SOX13: variants seen among roughly 807,000 people sequenced by gnomAD.
SOX13 encodes the protein transcription factor SOX-13.
SOX13 carries 28 observed loss-of-function variants against 71.8 expected under a neutral mutation model. The ratio of observed to expected loss-of-function variants is 0.39; its 90% CI spans 0.29 to 0.53. The LOEUF (loss-of-function observed/expected upper bound fraction) is 0.53, where lower values mean the gene tolerates loss of function less well. SOX13 is among the 20% of genes least tolerant of loss of function. The pLI, the probability that SOX13 is intolerant of heterozygous loss-of-function variation, is 0.70. For synonymous variants in SOX13, 309 were observed against 317.8 expected, an observed-to-expected ratio of 0.97 and a Z score of 0.29; for missense variants, 627 against 810.3, an observed-to-expected ratio of 0.77 and a Z score of 2.75.
intron 1 of SOX13, among the ~76,000 whole-genome samples, chr1:204,099,714 G>A (rs1656323562): frequency 1.3e-5 from 2 of 151,984 alleles, no homozygotes; most frequent in Admixed American, 6.6e-5. Flanking sequence ...CGCCCAGTCG[G>A]CATCTCAGGT....
chr1:204,122,922 A>T lies in SOX13; in HGVS notation c.1093A>T (p.Ser365Cys). 1 of 1,591,526 alleles carries T rather than the reference A, an allele frequency of 6.3e-7. No individual in the cohort carries two copies. Among genetic ancestry groups the T allele is most frequent in the East Asian group, 2.3e-5 (1 of 43,438 alleles). The change falls in exon 10 of 14, where the codon AGT becomes TGT. Residue 365 changes from serine to cysteine, a missense_variant. By Grantham distance (112) the Ser-to-Cys change is moderately radical. Around this residue, in one of 3 missense-constraint regions of SOX13, gnomAD observed 447 missense variants for 532.2 expected, o/e 0.84. Coordinates refer to ENST00000367204, the MANE Select transcript of SOX13 (RefSeq NM_005686.3). ...QDARQLLHSHSGALDGSPNTP... is the reference protein window; with the variant it reads ...QDARQLLHSHCGALDGSPNTP... ...TGCTCGGCAGCTGCTGCACAGCCAC[A>T]GTGGGGCCTTGGATGGCTCCCCCAA... is the stretch of plus-strand genomic sequence containing the variant.
Position 204,126,729 on chromosome 1 carries a change from C to G in SOX13, c.*595C>G, listed in dbSNP as rs1211388365. 6.5e-6 allele frequency: 1 copy of G among 153,848 alleles called. No homozygotes were observed. Among genetic ancestry groups the G allele is most frequent in the East Asian group, 1.9e-4 (1 of 5,196 alleles). 9.5% of individuals were successfully genotyped at this position (153,848 alleles called of 1,614,324 possible). ...CAAGATATTTATTGAGTGCCCACTA[C>G]GTGCCAGGCACTGTTGCTGAGTTCC... On this transcript the variant is annotated 3_prime_UTR_variant, in exon 14 of 14. Coordinates refer to ENST00000367204, the MANE Select transcript of SOX13 (RefSeq NM_005686.3).
At position 204,122,277 on chromosome 1, in the gene SOX13, C is replaced by G. The variant is rs749756423; in HGVS notation, c.902C>G (p.Ala301Gly). 90 of 1,588,708 alleles carry G rather than the reference C, an allele frequency of 5.7e-5. No homozygotes were observed. The highest frequency in any genetic ancestry group is 7.3e-5 in the Non-Finnish European group (85 of 1,168,042). Residue 301 changes from alanine (A) to glycine (G), a missense_variant, in exon 9 of 14, where the codon GCC (alanine) becomes GGC (glycine). Transcript: ENST00000367204. ...CTGAACCTCACAGCCAAGCCCAAGG[C>G]CCCCGAGCTGCCCAACACCTCCAGC... ...QPLNLTAKPK[A>G]PELPNTSSSP...
At position 204,114,581 on chromosome 1, in the gene SOX13, T is replaced by A. The variant is rs1445892682; in HGVS notation, c.394T>A (p.Ser132Thr). The change falls in exon 4 of 14, where the codon TCT becomes ACT. Residue 132 changes from serine to threonine, a missense_variant. This residue lies in a region of SOX13 where 447 missense variants were observed against 532.2 expected (regional missense o/e 0.84). Coordinates refer to ENST00000367204, the MANE Select transcript of SOX13 (RefSeq NM_005686.3). ...DWKERFLGRN[S>T]MEAKDVKGTQ... ...GAAGGAGAGGTTTCTAGGAAGGAACTCTATGGAAGCCAAAGATGTCAAAGG... is the reference window on the plus strand; with the variant it reads ...GAAGGAGAGGTTTCTAGGAAGGAACACTATGGAAGCCAAAGATGTCAAAGG... The A allele has an allele frequency of 6.2e-7, 1 of 1,613,582 alleles. No individual in the cohort carries two copies. The highest frequency in any genetic ancestry group is 1.7e-5 in the Admixed American group (1 of 60,022).
intron 1 of SOX13, among the ~76,000 whole-genome samples, chr1:204,085,791 G>A (rs1460769992): frequency 3.3e-5 from 5 of 151,768 alleles, no homozygotes; most frequent in Admixed American, 6.6e-5. Context: ...TGGCTAACAC[G>A]GTGAAACCCC....
chr1:204,083,526 T>C (rs1445233043), intron 1 of SOX13, among the ~76,000 whole-genome samples: 1 of 152,240 alleles, frequency 6.6e-6, no homozygotes, highest in Non-Finnish European at 1.5e-5. Context: ...CCTTGATCTC[T>C]AAGGAGATAG....
At position 204,116,508 on chromosome 1, in the gene SOX13, G is replaced by C. The variant is rs755787765; in HGVS notation, c.420G>C (p.Gly140=). The part of the protein sequence containing the change: ...RNSMEAKDVK[G]TQESLAEKEL... ...GGGGTCTGTTTCACTGTGGAGCAGG[G>C]ACCCAAGAGAGCCTAGCAGAGAAGG... Residue 140 remains glycine (G), a splice_region_variant and synonymous_variant, in exon 5 of 14, where the codon GGG becomes GGC. Coordinates refer to ENST00000367204, the MANE Select transcript of SOX13 (RefSeq NM_005686.3). 22 of 1,613,678 alleles carry C rather than the reference G, an allele frequency of 1.4e-5. No homozygotes were observed. The highest frequency in any genetic ancestry group is 1.6e-4 in the Middle Eastern group (1 of 6,082).
chr1:204,123,601 C>G lies in SOX13; in HGVS notation c.1232-60C>G. 5 of 1,572,030 alleles carry G rather than the reference C, an allele frequency of 3.2e-6. No homozygotes were observed. Among genetic ancestry groups the G allele is most frequent in the Non-Finnish European group, 4.3e-6 (5 of 1,154,686 alleles). On this transcript the variant is annotated intron_variant, in intron 11 of 13. Coordinates refer to ENST00000367204, the MANE Select transcript of SOX13 (RefSeq NM_005686.3). The surrounding 1 kb of genome is among the most constrained non-coding windows in gnomAD (Gnocchi z 5.0). ...AAGTAGGGGACGTCTCTCTGCTGGC[C>G]CTGGGGCACTCTCCTGACCCCAGAC...
In SOX13 at chr1:204,103,482, T is replaced by C. The variant is rs146823073; in HGVS notation, c.-1-9433T>C. Among the ~76,000 whole-genome samples the C allele has an allele frequency of 2.0e-3, 311 of 152,378 alleles. 9 individuals are homozygous for C. The East Asian group carries it at 0.052, about 25-fold the overall frequency. On this transcript the variant is annotated intron_variant, in intron 1 of 13. Coordinates refer to ENST00000367204, the MANE Select transcript of SOX13 (RefSeq NM_005686.3). ...CCCCGAGCCTTAGTCTTTGTAGTGTTCTTGTGAGGATTAAGCAGGAATGTG... is the reference window on the plus strand; with the variant it reads ...CCCCGAGCCTTAGTCTTTGTAGTGTCCTTGTGAGGATTAAGCAGGAATGTG...
chr1:204,093,188 A>G (rs1656181322), intron 1 of SOX13, among the ~76,000 whole-genome samples: 1 of 152,072 alleles, frequency 6.6e-6, no homozygotes, highest in Non-Finnish European at 1.5e-5. Flanking sequence ...TAGAGAAGGA[A>G]AGAAACTGTT....
chr1:204,116,187 C>T (rs541796655), intron 4 of SOX13: 59 of 1,308,286 alleles, frequency 4.5e-5, no homozygotes, highest in Admixed American at 2.9e-4. Context: ...TCCACCCTGA[C>T]CCTGTGTGGC....
chr1:204,113,906 T>G (rs1656637057), intron 2 of SOX13, among the ~76,000 whole-genome samples: 1 of 152,176 alleles, frequency 6.6e-6, no homozygotes, highest in Admixed American at 6.5e-5. Context: ...GTGGGTATGT[T>G]CAAGGGAGTG....
At chr1:204,115,728 G>A (rs1474430226) in intron 4 of SOX13, among the ~76,000 whole-genome samples, 2 of 139,860 alleles carry the variant, frequency 1.4e-5, no homozygotes, top group African/African-American at 2.7e-5. Flanking sequence ...GCGTAGTGGT[G>A]TGATTTCGGC....
intron 1 of SOX13, among the ~76,000 whole-genome samples, chr1:204,076,820 A>G (rs12023823): frequency 0.17 from 25,538 of 152,236 alleles, 2,339 homozygotes; most frequent in East Asian, 0.35. Flanking sequence ...CATTCCTTCA[A>G]CAGAAATTGT....
rs1656816544 is a variant in SOX13, at chr1:204,121,995, T to C, written c.861+10T>C. ...CCACCACCCCCTGCAGGTACCGCCC[T>C]CTACCCACTGGCCTGGGGCTCCCTC... On this transcript the variant is annotated intron_variant, in intron 8 of 13. Transcript: ENST00000367204. The C allele has an allele frequency of 6.3e-7, 1 of 1,585,418 alleles. No individual in the cohort carries two copies. The highest frequency in any genetic ancestry group is 8.7e-7 in the Non-Finnish European group (1 of 1,155,422).
At chr1:204,074,606 C>G (rs1347894626) in intron 1 of SOX13, among the ~76,000 whole-genome samples, 1 of 152,224 alleles carries the variant, frequency 6.6e-6, no homozygotes. Context: ...GCGGGATTCG[C>G]TCAGCTGCCC....
At chr1:204,124,515 A>C (rs1252737704) in intron 12 of SOX13, 126 bp from the exon 13 acceptor site, 66 of 753,670 alleles carry the variant, frequency 8.8e-5, no homozygotes, top group Non-Finnish European at 2.0e-5. Flanking sequence ...GGCCCTTGCT[A>C]AGTGCTTGCA....
At chr1:204,118,817 G>A (rs1250620195) in intron 7 of SOX13, 2 of 152,278 alleles carry the variant, frequency 1.3e-5, no homozygotes, top group African/African-American at 4.8e-5. Flanking sequence ...TGGAGTCTGG[G>A]ATTTATTTTG....
chr1:204,097,309 T>C (rs947736759), intron 1 of SOX13, among the ~76,000 whole-genome samples: 7 of 152,248 alleles, frequency 4.6e-5, no homozygotes, highest in Admixed American at 4.6e-4. Flanking sequence ...CCATTAAATA[T>C]GGCTTTATGA....
Sources: gnomAD v4.1 joint callset for allele counts (sites outside exome capture counted in the v4.1 genomes callset) on GRCh38, gnomAD v4.1.1 for gene constraint, gnomAD v4.1.1 regional missense constraint, Gnocchi (gnomAD v3.1) non-coding constraint, MANE v1.5 for transcripts, NCBI Gene and HGNC (gene_info 2026-07-23, HGNC 2026-07-21) for gene names.